RS1: variants seen among roughly 807,000 people sequenced by gnomAD.
RS1 encodes retinoschisin 1, also known as retinoschisin.
RS1 carries 2 observed loss-of-function variants against 20.8 expected under a neutral mutation model. The observed-to-expected ratio is 0.10, with a 90% CI of 0.04 to 0.30. The LOEUF (loss-of-function observed/expected upper bound fraction) is 0.30. RS1 is among the 10% of genes least tolerant of loss of function. The probability of loss-of-function intolerance (pLI) is 1.00; values close to 1 mark genes in which losing one functional copy is unlikely to be tolerated. For synonymous variants in RS1, 70 were observed against 75.8 expected, an observed-to-expected ratio of 0.92 and a Z score of 0.40; for missense variants, 151 against 189.8, an observed-to-expected ratio of 0.80 and a Z score of 1.20.
intron 1 of RS1, 91 bp downstream of exon 1, chrX:18,671,926 T>C: frequency 1.3e-6 from 1 of 758,851 alleles, no homozygotes; most frequent in Non-Finnish European, 2.0e-6. Context: ...ATAATATTTA[T>C]ATTATTCAGG....
At chrX:18,646,018 G>A (rs1927757471) in intron 4 of RS1, 1 of 1,211,884 alleles carries the variant, frequency 8.3e-7, no homozygotes, top group Non-Finnish European at 1.1e-6. Context: ...CGGTGGATGT[G>A]ATGGCAGAAG....
At chrX:18,662,869 C>T (rs189332571) in intron 1 of RS1, among the ~76,000 whole-genome samples, 4,340 of 109,838 alleles carry the variant, frequency 0.04, 236 homozygotes, top group African/African-American at 0.14. Context: ...CCTCATGATC[C>T]GCCCACCTCG....
At chrX:18,650,654 A>T (rs1927992200) in intron 3 of RS1, 2 of 1,133,742 alleles carry the variant, frequency 1.8e-6, no homozygotes, top group African/African-American at 1.8e-5. Flanking sequence ...TTGCCCGAGG[A>T]GCTGTAGAAA....
At chrX:18,653,727 G>T in intron 3 of RS1, 1 of 583,509 alleles carries the variant, frequency 1.7e-6, no homozygotes, top group East Asian at 4.1e-5. Flanking sequence ...CCAGCACTTT[G>T]GGAGGCCGAG....
Position 18,644,415 on chromosome X carries a change from A to G in RS1, c.522+15T>C. 1 of 1,208,982 alleles carries G rather than the reference A, an allele frequency of 8.3e-7. No homozygotes were observed. The highest frequency in any genetic ancestry group is 1.1e-6 in the Non-Finnish European group (1 of 893,196). On this transcript the variant is annotated intron_variant, in intron 5 of 5. Coordinates refer to ENST00000379984, the MANE Select transcript of RS1 (RefSeq NM_000330.4). ...GGGTGCGAGCTGAAGTTGGTTTGGGATAAGCCCAACTTACCCGGTTGTTTC... is the reference window on the plus strand; with the variant it reads ...GGGTGCGAGCTGAAGTTGGTTTGGGGTAAGCCCAACTTACCCGGTTGTTTC...
At chrX:18,650,719 G>A in intron 3 of RS1, 1 of 784,068 alleles carries the variant, frequency 1.3e-6, no homozygotes, top group Non-Finnish European at 1.9e-6. Context: ...CCTGGGCATG[G>A]GGACAAAGCT....
rs1927503369 is a variant in RS1 at position 18,639,863 on chromosome X, G to A, written c.*2141C>T. 1 of 111,908 alleles carries A rather than the reference G, an allele frequency of 8.9e-6. No individual in the cohort carries two copies. The highest frequency in any genetic ancestry group is 1.9e-5 in the Non-Finnish European group (1 of 53,201). The allele number at this position is 111,908 out of a possible 1,213,427, so 9.2% of individuals were successfully genotyped here. A position where few individuals can be genotyped will look rare whatever the true frequency, so the allele number is the denominator to read the frequency against. On this transcript the variant is annotated 3_prime_UTR_variant, in exon 6 of 6. Coordinates refer to ENST00000379984, the MANE Select transcript of RS1 (RefSeq NM_000330.4). ...ATAGTGATACACATGTTATAACGTG[G>A]ATGAACTTTAAAACACTATGCTAAG... is the stretch of plus-strand genomic sequence containing the variant.
intron 3 of RS1, among the ~76,000 whole-genome samples, chrX:18,648,940 G>A (rs745527450): frequency 2.4e-4 from 26 of 108,679 alleles, no homozygotes; most frequent in South Asian, 2.1e-3. Context: ...CCCAGCTACC[G>A]GGGAGGCTGA....
chrX:18,646,075 A>C (rs1189129443), intron 4 of RS1: 1 of 1,212,004 alleles, frequency 8.3e-7, no homozygotes, highest in East Asian at 3.0e-5. Context: ...CATGTTAAGG[A>C]CGACAGAACA....
Position 18,653,431 on chromosome X carries a change from G to A in RS1, c.184+3222C>T. 1 of 1,210,809 alleles carries A rather than the reference G, an allele frequency of 8.3e-7. No homozygotes were observed. The highest frequency in any genetic ancestry group is 1.7e-5 in the African/African-American group (1 of 57,767). ...CCCCGCTGTCCTTCTGTGCTTTCCA[G>A]GGTTCTCTTTCTTCGTGAGACACGT... On this transcript the variant is annotated intron_variant, in intron 3 of 5. Coordinates refer to ENST00000379984, the MANE Select transcript of RS1 (RefSeq NM_000330.4).
At chrX:18,664,533 C>T (rs942560884) in intron 1 of RS1, among the ~76,000 whole-genome samples, 2 of 110,083 alleles carry the variant, frequency 1.8e-5, no homozygotes, top group South Asian at 4.0e-4. Flanking sequence ...GAGGCTGAGG[C>T]GGGATAATCA....
At chrX:18,653,143 A>G (rs557370451) in intron 3 of RS1, among the ~76,000 whole-genome samples, 10 of 112,660 alleles carry the variant, frequency 8.9e-5, no homozygotes, top group South Asian at 3.7e-4. Context: ...CAAGCATCAT[A>G]TAGAATAGAA....
chrX:18,652,498 A>T (rs751442613), intron 3 of RS1, among the ~76,000 whole-genome samples: 1 of 111,472 alleles, frequency 9.0e-6, no homozygotes, highest in African/African-American at 3.3e-5. Flanking sequence ...GTGAAACCCC[A>T]TCTCTACTAA....
chrX:18,651,950 C>T (rs929883819), intron 3 of RS1, among the ~76,000 whole-genome samples: 1 of 110,573 alleles, frequency 9.0e-6, no homozygotes, highest in Non-Finnish European at 1.9e-5. Flanking sequence ...CCACACCCCT[C>T]CGCCTGGCCC....
At chrX:18,646,009 G>C (rs369009993) in intron 4 of RS1, 2 of 1,209,542 alleles carry the variant, frequency 1.7e-6, no homozygotes, top group Non-Finnish European at 2.2e-6. Flanking sequence ...CTAACTAGAC[G>C]GTGGATGTGA....
At chrX:18,652,076 ACTG>A (rs1181930958) in intron 3 of RS1, among the ~76,000 whole-genome samples, 1 of 109,561 alleles carries the variant, frequency 9.1e-6, no homozygotes, top group Non-Finnish European at 1.9e-5. Context: ...GGCATACTTC[ACTG>A]CCATCTCCCC....
Position 18,657,217 on chromosome X carries a change from C to CT in RS1, c.78+422dup, listed in dbSNP as rs749358875. Reference sequence around the variant, plus strand: ...ACAGTCACCATCACCAAAAAAAATACTTTTTTTTTTTTTTTTTTTTTGAGA... The same window carrying CT: ...ACAGTCACCATCACCAAAAAAAATACTTTTTTTTTTTTTTTTTTTTTTGAGA... On this transcript the variant is annotated intron_variant, in intron 2 of 5. Coordinates refer to ENST00000379984, the MANE Select transcript of RS1 (RefSeq NM_000330.4). 3.1e-3 allele frequency among the ~76,000 whole-genome samples: 205 copies of CT among 65,128 alleles called. 11 individuals are homozygous for CT. Among genetic ancestry groups the CT allele is most frequent in the Middle Eastern group, 0.02 (1 of 49 alleles). The allele number at this position is 65,128 out of a possible 115,157, so 56.6% of individuals were successfully genotyped here. A position where few individuals can be genotyped will look rare whatever the true frequency, so the allele number is the denominator to read the frequency against.
chrX:18,671,842 T>G (rs887030936), intron 1 of RS1, among the ~76,000 whole-genome samples, 175 bp downstream of exon 1: 2 of 112,015 alleles, frequency 1.8e-5, no homozygotes, highest in Non-Finnish European at 3.8e-5. Context: ...CTCACAGAAC[T>G]GGAAAGCCAT....
chrX:18,652,740 T>C (rs1928106895), intron 3 of RS1, among the ~76,000 whole-genome samples: 1 of 112,279 alleles, frequency 8.9e-6, no homozygotes, highest in Admixed American at 9.4e-5. Context: ...CCACCCAGTG[T>C]CACTTTGCTG....
Sources: gnomAD v4.1 joint callset for allele counts (sites outside exome capture counted in the v4.1 genomes callset) on GRCh38, gnomAD v4.1.1 for gene constraint, MANE v1.5 for transcripts, NCBI Gene and HGNC (gene_info 2026-07-23, HGNC 2026-07-21) for gene names.